CFAP99: variants seen among roughly 807,000 people sequenced by gnomAD.
CFAP99 encodes the protein cilia and flagella associated protein 99.
A neutral mutation model predicts 82.7 loss-of-function variants in CFAP99; 84 were observed. The ratio of observed to expected loss-of-function variants is 1.02; its 90% CI spans 0.85 to 1.22. The LOEUF (loss-of-function observed/expected upper bound fraction) is 1.22, where lower values mean the gene tolerates loss of function less well. Among genes scored for constraint, CFAP99 ranks in the 50% most tolerant of loss-of-function variants. The pLI, the probability that CFAP99 is intolerant of heterozygous loss-of-function variation, is 0.00. For missense variants in CFAP99, 1,059 were observed against 983.5 expected (o/e 1.08, Z -1.03); for synonymous variants, 456 against 429.5 (o/e 1.06, Z -0.76).
intron 13 of CFAP99, 36 bp from the exon 14 acceptor site, chr4:2,460,001 A>C: frequency 6.5e-7 from 1 of 1,528,710 alleles, no homozygotes; most frequent in Non-Finnish European, 8.8e-7. Flanking sequence ...GGCCCAGCAC[A>C]GCTCCCAGCT....
chr4:2,419,129 C>A (rs1733462941), intron 1 of CFAP99, 36 bp downstream of exon 1: 1 of 152,140 alleles, frequency 6.6e-6, no homozygotes, highest in African/African-American at 2.4e-5. Context: ...CGACGCGCCG[C>A]CGATTTTCAT....
chr4:2,430,555 T>C lies in CFAP99; in HGVS notation c.111+3969T>C, dbSNP rs112489633. On this transcript the variant is annotated intron_variant, in intron 2 of 14. Coordinates refer to ENST00000635017, the Ensembl canonical transcript of CFAP99. ...CGGACTGCGGTGAAATGCCAGAAAA[T>C]TACGCAATACGTAAACCAAATGGCA... 3.2e-4 allele frequency among the ~76,000 whole-genome samples: 48 copies of C among 149,682 alleles called. 1 individual carries two copies. The highest frequency in any genetic ancestry group is 1.1e-3 in the African/African-American group (44 of 40,566).
rs776504631 is a variant in CFAP99, at chr4:2,452,305, A to C, written c.1120A>C (p.Met374Leu). The C allele has an allele frequency of 5.2e-6, 8 of 1,535,330 alleles. No homozygotes were observed. The Admixed American group carries it at 1.6e-4, about 30-fold the overall frequency. The change falls in exon 11 of 15, where the codon ATG becomes CTG. Residue 374 changes from methionine to leucine, a missense_variant. By Grantham distance (15) the Met-to-Leu change is conservative. Coordinates refer to ENST00000635017, the Ensembl canonical transcript of CFAP99. The stretch of plus-strand genomic sequence containing the variant: ...GGCCGTCCTAGCCCGGCAGAGCCTC[A>C]TGCAGGAGAACAAGCAGAGGGTGGA...
intron 8 of CFAP99, 163 bp downstream of exon 8, chr4:2,450,168 C>A: frequency 2.8e-6 from 2 of 721,128 alleles, no homozygotes; most frequent in Non-Finnish European, 4.7e-6. Flanking sequence ...TGCCTTGAGC[C>A]CACTGCGATG....
At chr4:2,436,936 G>C in exon 3 of CFAP99, 1 of 1,536,088 alleles carries the variant, frequency 6.5e-7, no homozygotes, top group Non-Finnish European at 8.7e-7. Flanking sequence ...TCGAGTACCG[G>C]AAGCTGCTGA....
chr4:2,449,915 C>T lies in CFAP99; in HGVS notation c.724-19C>T, dbSNP rs1294755116. 7 of 1,536,172 alleles carry T rather than the reference C, an allele frequency of 4.6e-6. No individual in the cohort carries two copies. The highest frequency in any genetic ancestry group is 4.4e-6 in the Non-Finnish European group (5 of 1,146,910). On this transcript the variant is annotated intron_variant, in intron 7 of 14. Coordinates refer to ENST00000635017, the Ensembl canonical transcript of CFAP99. ...GGGCAGAGGCTGGTGGGACTGGAGC[C>T]GCTGTGTCACTGTGGCAGGAGCTGC... is the stretch of plus-strand genomic sequence containing the variant.
exon 13 of CFAP99, chr4:2,459,164 A>G (rs770203381): frequency 1.2e-5 from 19 of 1,535,426 alleles, no homozygotes; most frequent in Non-Finnish European, 1.5e-5. Flanking sequence ...CAGGCAGCCC[A>G]GGAGGAGCAG....
rs944420735 is a variant in CFAP99, at chr4:2,443,126, C to G, written c.352-4C>G. ...GGCCCCCTGACAGCCCCCGTCCACCCCAGTTCCTCAGGTTCTTCTTCAACC... is the reference window on the plus strand; with the variant it reads ...GGCCCCCTGACAGCCCCCGTCCACCGCAGTTCCTCAGGTTCTTCTTCAACC... On this transcript the variant is annotated splice_polypyrimidine_tract_variant and splice_region_variant and intron_variant, in intron 4 of 14. Transcript: ENST00000635017. The G allele has an allele frequency of 6.6e-7, 1 of 1,514,618 alleles. No homozygotes were observed. The highest frequency in any genetic ancestry group is 8.9e-7 in the Non-Finnish European group (1 of 1,127,556). 93.8% of individuals were successfully genotyped at this position (1,514,618 alleles called of 1,614,324 possible).
At chr4:2,451,143 C>G in intron 9 of CFAP99, 121 bp from the exon 10 acceptor site, 1 of 1,452,970 alleles carries the variant, frequency 6.9e-7, no homozygotes, top group South Asian at 1.2e-5. Context: ...CGGCCCCACC[C>G]TGGGGGATAG....
intron 13 of CFAP99, among the ~76,000 whole-genome samples, 191 bp downstream of exon 13, chr4:2,459,449 C>CT (rs952402404): frequency 6.6e-6 from 1 of 152,234 alleles, no homozygotes; most frequent in African/African-American, 2.4e-5. Flanking sequence ...GTTCACAAGC[C>CT]TGCGGGCAAG....
chr4:2,462,886 G>A lies in CFAP99; in HGVS notation c.2105G>A (p.Gly702Asp). Residue 702 changes from glycine to aspartate, a missense_variant, in exon 15 of 15, where the codon GGC (glycine) becomes GAC (aspartate). Gly to Asp is a moderately conservative substitution (Grantham distance 94). Coordinates refer to ENST00000635017, the Ensembl canonical transcript of CFAP99. This position sits in a 1 kb window ranked among gnomAD's most constrained non-coding sequence, Gnocchi z 4.1. ...AGGCTGCAGGCGCTGCAGCAGGGAGGCTCAGGACCCGGGCCCGCGCGCCGC... is the reference window on the plus strand; with the variant it reads ...AGGCTGCAGGCGCTGCAGCAGGGAGACTCAGGACCCGGGCCCGCGCGCCGC... 3 of 1,369,480 alleles carry A rather than the reference G, an allele frequency of 2.2e-6. No individual in the cohort carries two copies. Among genetic ancestry groups the A allele is most frequent in the Non-Finnish European group, 2.8e-6 (3 of 1,062,044 alleles). The allele number at this position is 1,369,480 out of a possible 1,614,324, so 84.8% of individuals were successfully genotyped here.
At position 2,462,891 on chromosome 4, in the gene CFAP99, G is replaced by C. The variant is rs1319470951; in HGVS notation, c.2110G>C (p.Gly704Arg). 1 of 1,356,554 alleles carries C rather than the reference G, an allele frequency of 7.4e-7. No homozygotes were observed. The highest frequency in any genetic ancestry group is 9.5e-7 in the Non-Finnish European group (1 of 1,056,822). The allele number at this position is 1,356,554 out of a possible 1,614,324, so 84.0% of individuals were successfully genotyped here. ...GCAGGCGCTGCAGCAGGGAGGCTCA[G>C]GACCCGGGCCCGCGCGCCGCCTGGA... is the stretch of plus-strand genomic sequence containing the variant. Residue 704 changes from glycine (G) to arginine (R), a missense_variant, in exon 15 of 15, where the codon GGA (glycine) becomes CGA (arginine). Physicochemically the swap from Gly to Arg is moderately radical, Grantham distance 125. Transcript: ENST00000635017. This position sits in a 1 kb window ranked among gnomAD's most constrained non-coding sequence, Gnocchi z 4.1.
rs1734161177 is a variant in CFAP99 at position 2,446,213 on chromosome 4, G to A, written c.642+905G>A. ...TCAAATATGTCAGGTCCTTCACTTA[G>A]TTTACTTCTCACTGATCCTGGCTCC... On this transcript the variant is annotated intron_variant, in intron 6 of 14. Transcript: ENST00000635017. This position sits in a 1 kb window ranked among gnomAD's most constrained non-coding sequence, Gnocchi z 5.0. Among the ~76,000 whole-genome samples, 1 of 152,132 alleles carries A rather than the reference G, an allele frequency of 6.6e-6. No individual in the cohort carries two copies. Among genetic ancestry groups the A allele is most frequent in the Admixed American group, 6.5e-5 (1 of 15,274 alleles).
chr4:2,453,264 T>C (rs1320481003), intron 11 of CFAP99, among the ~76,000 whole-genome samples: 1 of 152,188 alleles, frequency 6.6e-6, no homozygotes. Flanking sequence ...CCTTCCCTTT[T>C]TTGTTACATA....
Sources: gnomAD v4.1 joint callset for allele counts (sites outside exome capture counted in the v4.1 genomes callset) on GRCh38, gnomAD v4.1.1 for gene constraint, Gnocchi (gnomAD v3.1) non-coding constraint, MANE v1.5 for transcripts, NCBI Gene and HGNC (gene_info 2026-07-23, HGNC 2026-07-21) for gene names.